PPP4R4: variants seen among roughly 807,000 people sequenced by gnomAD.
PPP4R4 encodes the protein serine/threonine-protein phosphatase 4 regulatory subunit 4.
Under a neutral mutation model 121.8 loss-of-function variants are expected in PPP4R4, and 70 were observed. That is an observed-to-expected ratio of 0.57 (90% CI 0.47 to 0.70). PPP4R4 has a LOEUF of 0.70. Ranked by LOEUF, PPP4R4 falls within the 30% of genes least tolerant of loss-of-function variation. PPP4R4 has a pLI of 0.00. For synonymous variants in PPP4R4, 348 were observed against 355.7 expected (o/e 0.98, Z 0.24); for missense variants, 875 against 1,033.6 (o/e 0.85, Z 2.10).
At chr14:94,277,224 C>A (rs957962986) in intron 24 of PPP4R4, among the ~76,000 whole-genome samples, 5 of 152,276 alleles carry the variant, frequency 3.3e-5, no homozygotes, top group Non-Finnish European at 4.4e-5. Context: ...TCGCTTCAAC[C>A]CGGGAGGCGG....
In PPP4R4 at chr14:94,256,591, C is replaced by A; in HGVS notation, c.1997C>A (p.Ala666Asp). Residue 666 changes from alanine to aspartate, a missense_variant, in exon 17 of 25, where the codon GCT becomes GAT. Physicochemically the swap from Ala to Asp is moderately radical, Grantham distance 126. Transcript: ENST00000304338. ...LCQEKDKDVL[A>D]IVKRTVLELD... The stretch of plus-strand genomic sequence containing the variant: ...CAAGAAAAAGATAAAGATGTTCTGG[C>A]TATTGTAAAAAGAGTAAGTATCACT... 6.2e-7 allele frequency: 1 copy of A among 1,605,094 alleles called. No homozygotes were observed.
intron 15 of PPP4R4, among the ~76,000 whole-genome samples, chr14:94,251,200 A>C (rs1893161238): frequency 6.6e-6 from 1 of 152,016 alleles, no homozygotes; most frequent in Non-Finnish European, 1.5e-5. Flanking sequence ...GACCTGAATT[A>C]TTGTCAGTAA....
intron 14 of PPP4R4, among the ~76,000 whole-genome samples, 183 bp downstream of exon 14, chr14:94,246,722 C>T (rs764600297): frequency 3.3e-5 from 5 of 152,206 alleles, no homozygotes; most frequent in Middle Eastern, 3.4e-3. Context: ...CACTAGGTCT[C>T]CCTCTGAGAA....
At chr14:94,185,253 C>T (rs1008045747) in intron 2 of PPP4R4, among the ~76,000 whole-genome samples, 2 of 152,174 alleles carry the variant, frequency 1.3e-5, no homozygotes, top group East Asian at 3.8e-4. Context: ...CACTTGTAAT[C>T]CCAGCAGTTT....
chr14:94,259,358 C>A lies in PPP4R4; in HGVS notation c.2116C>A (p.Leu706Ile). Reference sequence around the variant, plus strand: ...AGAGAAAGAAAGAGAAGAACTACTTCTTTTGGAAATGGTATGTTGTTTTCA... The same window carrying A: ...AGAGAAAGAAAGAGAAGAACTACTTATTTTGGAAATGGTATGTTGTTTTCA... The part of the protein sequence containing the change: ...DQEKEREELL[L>I]LEMEQLEKEK... Residue 706 changes from leucine to isoleucine, a missense_variant, in exon 19 of 25, where the codon CTT becomes ATT. Transcript: ENST00000304338. 2 of 1,610,024 alleles carry A rather than the reference C, an allele frequency of 1.2e-6. No individual in the cohort carries two copies. Among genetic ancestry groups the A allele is most frequent in the Non-Finnish European group, 1.7e-6 (2 of 1,178,758 alleles).
chr14:94,252,884 C>G (rs1893259561), intron 16 of PPP4R4, among the ~76,000 whole-genome samples: 1 of 152,094 alleles, frequency 6.6e-6, no homozygotes. Flanking sequence ...AACATCAAAA[C>G]TTTTTAATAG....
chr14:94,227,447 A>C, intron 3 of PPP4R4: 1 of 1,539,676 alleles, frequency 6.5e-7, no homozygotes, highest in South Asian at 1.2e-5. Flanking sequence ...GATTTTTAGC[A>C]GTGATGAAAT....
intron 14 of PPP4R4, among the ~76,000 whole-genome samples, chr14:94,247,501 G>T (rs370979879): frequency 2.0e-5 from 3 of 152,218 alleles, no homozygotes; most frequent in South Asian, 2.1e-4. Flanking sequence ...CTCTGAGCTG[G>T]AATCAATCCT....
Position 94,265,855 on chromosome 14 carries a change from T to A in PPP4R4, c.2346T>A (p.His782Gln). Residue 782 changes from histidine (H) to glutamine (Q), a missense_variant, in exon 22 of 25, where the codon CAT (histidine) becomes CAA (glutamine). His to Gln is a conservative substitution (Grantham distance 24). Transcript: ENST00000304338. ...RSQSFNNQAFHAKYGNLEKCA... is the reference protein window; with the variant it reads ...RSQSFNNQAFQAKYGNLEKCA... ...AGTCTTTTAATAATCAAGCTTTTCATGCAAAATATGGCAACTTAGAGAAAT... is the reference window on the plus strand; with the variant it reads ...AGTCTTTTAATAATCAAGCTTTTCAAGCAAAATATGGCAACTTAGAGAAAT... 1 of 1,607,628 alleles carries A rather than the reference T, an allele frequency of 6.2e-7. No homozygotes were observed. Among genetic ancestry groups the A allele is most frequent in the Non-Finnish European group, 8.5e-7 (1 of 1,175,176 alleles).
intron 19 of PPP4R4, among the ~76,000 whole-genome samples, chr14:94,261,212 G>A (rs1197552076): frequency 6.6e-6 from 1 of 152,090 alleles, no homozygotes; most frequent in African/African-American, 2.4e-5. Flanking sequence ...TTGAAATTTG[G>A]TAGGATACGT....
intron 2 of PPP4R4, among the ~76,000 whole-genome samples, chr14:94,200,750 A>C (rs760715892): frequency 2.0e-5 from 3 of 150,266 alleles, no homozygotes; most frequent in Non-Finnish European, 4.4e-5. Context: ...CTAGTGGTCT[A>C]TCAATGTTGT....
chr14:94,233,675 A>G lies in PPP4R4; in HGVS notation c.539A>G (p.Lys180Arg), dbSNP rs1268717310. 6.9e-6 allele frequency: 11 copies of G among 1,596,596 alleles called. No individual in the cohort carries two copies. The highest frequency in any genetic ancestry group is 7.7e-6 in the Non-Finnish European group (9 of 1,170,998). ...TAGATTTTGAATCCACTTGTTTCCA[A>G]GGCACAACTTTCCCAAACAGTCCAG... is the stretch of plus-strand genomic sequence containing the variant. Reference protein sequence around the residue: ...RHEILNPLVSKAQLSQTVQSR... With the variant: ...RHEILNPLVSRAQLSQTVQSR... Residue 180 changes from lysine (K) to arginine (R), a missense_variant, in exon 6 of 25, where the codon AAG becomes AGG. Transcript: ENST00000304338.
In PPP4R4 at chr14:94,174,563, C is replaced by T; in HGVS notation, c.98C>T (p.Pro33Leu). ...DLQELTIIER[P>L]VRRSLKTPEE... The stretch of plus-strand genomic sequence containing the variant: ...CAGGAGCTCACCATCATCGAGAGGC[C>T]GGTCCGCCGGAGCCTCAAGGTGCGC... The change falls in exon 1 of 25, where the codon CCG becomes CTG. Residue 33 changes from proline to leucine, a missense_variant. Pro to Leu is a moderately conservative substitution (Grantham distance 98, BLOSUM62 -3). Transcript: ENST00000304338. The T allele has an allele frequency of 6.2e-7, 1 of 1,611,788 alleles. No individual in the cohort carries two copies. The highest frequency in any genetic ancestry group is 8.5e-7 in the Non-Finnish European group (1 of 1,179,066).
chr14:94,268,706 C>A (rs1435732418), intron 23 of PPP4R4, among the ~76,000 whole-genome samples: 1 of 152,106 alleles, frequency 6.6e-6, no homozygotes, highest in African/African-American at 2.4e-5. Context: ...TCTTACATGG[C>A]AGCAAGCAAG....
chr14:94,242,340 A>C lies in PPP4R4; in HGVS notation c.1198A>C (p.Thr400Pro). ...PKNFHMELYSTFFCLCHDPEV... is the reference protein window; with the variant it reads ...PKNFHMELYSPFFCLCHDPEV... The stretch of plus-strand genomic sequence containing the variant: ...AAACTTCCACATGGAACTCTATTCT[A>C]CATTCTTCTGCCTTTGCCATGACCC... Residue 400 changes from threonine to proline, a missense_variant, in exon 11 of 25, where the codon ACA becomes CCA. By Grantham distance (38) the Thr-to-Pro change is conservative. Transcript: ENST00000304338. 1.2e-6 allele frequency: 2 copies of C among 1,608,884 alleles called. No individual in the cohort carries two copies. Among genetic ancestry groups the C allele is most frequent in the South Asian group, 2.2e-5 (2 of 90,952 alleles).
At chr14:94,226,252 T>C (rs1050731627) in intron 3 of PPP4R4, among the ~76,000 whole-genome samples, 2 of 152,192 alleles carry the variant, frequency 1.3e-5, no homozygotes, top group South Asian at 2.1e-4. Flanking sequence ...TATTTTATTG[T>C]ATATTTACAA....
At chr14:94,276,636 C>T (rs894890882) in intron 24 of PPP4R4, among the ~76,000 whole-genome samples, 4 of 106,544 alleles carry the variant, frequency 3.8e-5, no homozygotes, top group Admixed American at 8.6e-5. Flanking sequence ...AACACCAAGC[C>T]GTGAGGGATC....
intron 3 of PPP4R4, among the ~76,000 whole-genome samples, chr14:94,225,145 G>A (rs1436599651): frequency 6.6e-6 from 1 of 152,080 alleles, no homozygotes; most frequent in Non-Finnish European, 1.5e-5. Context: ...TAACAGGAAA[G>A]GGAACTTCCT....
At chr14:94,214,529 A>AG (rs1413326435) in intron 3 of PPP4R4, among the ~76,000 whole-genome samples, 1 of 151,600 alleles carries the variant, frequency 6.6e-6, no homozygotes, top group Non-Finnish European at 1.5e-5. Context: ...CAGAAAAAAA[A>AG]AGAAAGAAAT....
Sources: gnomAD v4.1 joint callset for allele counts (sites outside exome capture counted in the v4.1 genomes callset) on GRCh38, gnomAD v4.1.1 for gene constraint, MANE v1.5 for transcripts, NCBI Gene and HGNC (gene_info 2026-07-23, HGNC 2026-07-21) for gene names.